GRM8: variants seen among roughly 807,000 people sequenced by gnomAD.
GRM8 encodes glutamate metabotropic receptor 8.
A neutral mutation model predicts 87.2 loss-of-function variants in GRM8; 47 were observed. That is an observed-to-expected ratio of 0.54 (90% CI 0.43 to 0.69). The LOEUF (loss-of-function observed/expected upper bound fraction) is 0.69, where lower values mean the gene tolerates loss of function less well. Ranked by LOEUF, GRM8 falls within the 30% of genes least tolerant of loss-of-function variation. GRM8 has a pLI of 0.00. For synonymous variants in GRM8, 396 were observed against 404.5 expected (o/e 0.98, Z 0.25); for missense variants, 1,019 against 1,139.2 (o/e 0.89, Z 1.52).
At chr7:127,167,303 C>A (rs1422189650) in intron 2 of GRM8, among the ~76,000 whole-genome samples, 1 of 152,148 alleles carries the variant, frequency 6.6e-6, no homozygotes, top group Non-Finnish European at 1.5e-5. Context: ...TGTTCCCTCC[C>A]CACCAAAATT....
At chr7:126,539,004 C>A (rs1419041070) in intron 8 of GRM8, among the ~76,000 whole-genome samples, 1 of 151,822 alleles carries the variant, frequency 6.6e-6, no homozygotes, top group Non-Finnish European at 1.5e-5. Context: ...ACAAAGAAAA[C>A]AATATTTATC....
At chr7:126,904,524 A>C in intron 4 of GRM8, 24 bp downstream of exon 4, 1 of 1,608,248 alleles carries the variant, frequency 6.2e-7, no homozygotes, top group Non-Finnish European at 8.5e-7. Flanking sequence ...CTGACCCTAC[A>C]TACAGAAGAA....
intron 7 of GRM8, among the ~76,000 whole-genome samples, chr7:126,734,624 A>G (rs1813988587): frequency 6.6e-6 from 1 of 151,984 alleles, no homozygotes; most frequent in South Asian, 2.1e-4. Context: ...TGTCTATTTC[A>G]TAACTTACAA....
At chr7:126,742,847 T>G (rs1312953581) in intron 7 of GRM8, among the ~76,000 whole-genome samples, 6 of 152,128 alleles carry the variant, frequency 3.9e-5, no homozygotes, top group Non-Finnish European at 8.8e-5. Flanking sequence ...GGTCACTAGT[T>G]AATTCTGATG....
chr7:127,048,973 C>G (rs190251548), intron 3 of GRM8, among the ~76,000 whole-genome samples: 4 of 152,184 alleles, frequency 2.6e-5, no homozygotes, highest in Non-Finnish European at 5.9e-5. Flanking sequence ...TTCAAATAAA[C>G]CTATAGACTT....
intron 8 of GRM8, among the ~76,000 whole-genome samples, chr7:126,565,328 C>T (rs555879151): frequency 6.6e-6 from 1 of 151,976 alleles, no homozygotes; most frequent in Admixed American, 6.6e-5. Flanking sequence ...AAACAAAACA[C>T]TGTTAGAACA....
intron 9 of GRM8, among the ~76,000 whole-genome samples, chr7:126,490,188 TTC>T (rs1807836306): frequency 6.6e-6 from 1 of 152,110 alleles, no homozygotes. Flanking sequence ...CTGTGGAGAA[TTC>T]TGGCTAATAC....
At chr7:126,714,788 T>C (rs1326661492) in intron 7 of GRM8, among the ~76,000 whole-genome samples, 2 of 152,140 alleles carry the variant, frequency 1.3e-5, no homozygotes, top group East Asian at 1.9e-4. Context: ...TGGTAACATA[T>C]ACAATCGATT....
At chr7:126,514,012 T>A (rs2150757237) in intron 9 of GRM8, among the ~76,000 whole-genome samples, 1 of 152,256 alleles carries the variant, frequency 6.6e-6, no homozygotes, top group East Asian at 1.9e-4. Context: ...GTCAGCCTCA[T>A]TTGTGCAATC....
rs924976648 is a variant in GRM8 at position 127,204,861 on chromosome 7, T to C, written c.510+37834A>G. 3.3e-5 allele frequency among the ~76,000 whole-genome samples: 5 copies of C among 152,322 alleles called. No individual in the cohort carries two copies. The East Asian group carries it at 5.8e-4, about 18-fold the overall frequency. ...GCATGGAGAAGAAACATGGCCTTCC[T>C]GGACAGCCTGAATCAGTAAGTCGTT... On this transcript the variant is annotated intron_variant, in intron 2 of 10. Transcript: ENST00000339582.
chr7:127,175,176 A>G (rs1028868635), intron 2 of GRM8, among the ~76,000 whole-genome samples: 12 of 152,190 alleles, frequency 7.9e-5, no homozygotes, highest in Middle Eastern at 3.2e-3. Flanking sequence ...CAAAACTATG[A>G]AAAGTCTTAG....
intron 8 of GRM8, among the ~76,000 whole-genome samples, chr7:126,578,383 G>A (rs985386946): frequency 2.3e-4 from 35 of 152,284 alleles, no homozygotes; most frequent in African/African-American, 7.5e-4. Flanking sequence ...GATAAAAGAT[G>A]GCAGAAAGGA....
intron 7 of GRM8, among the ~76,000 whole-genome samples, chr7:126,623,655 C>G (rs2151149492): frequency 6.6e-6 from 1 of 152,286 alleles, no homozygotes; most frequent in Non-Finnish European, 1.5e-5. Flanking sequence ...GACTGAACCC[C>G]CCTTCAATCA....
rs749853065 is a variant in GRM8 at position 126,622,002 on chromosome 7, G to A, written c.1358-12504C>T. Among the ~76,000 whole-genome samples the A allele has an allele frequency of 2.0e-5, 3 of 152,054 alleles. No individual in the cohort carries two copies. The East Asian group carries it at 5.8e-4, about 29-fold the overall frequency. Reference sequence around the variant, plus strand: ...TAGGGAATACCCTCTATTCTCTTGCGCTTCTCTCTGTCCAGTGAATTGCTC... The same window carrying A: ...TAGGGAATACCCTCTATTCTCTTGCACTTCTCTCTGTCCAGTGAATTGCTC... On this transcript the variant is annotated intron_variant, in intron 7 of 10. Coordinates refer to ENST00000339582, the MANE Select transcript of GRM8 (RefSeq NM_000845.3).
At chr7:126,517,484 T>C (rs1812352589) in intron 9 of GRM8, among the ~76,000 whole-genome samples, 1 of 152,062 alleles carries the variant, frequency 6.6e-6, no homozygotes. Context: ...CCACAATTTG[T>C]GTCAAGCATC....
At chr7:126,901,946 A>T (rs1294177449) in intron 6 of GRM8, among the ~76,000 whole-genome samples, 1 of 152,104 alleles carries the variant, frequency 6.6e-6, no homozygotes, top group Non-Finnish European at 1.5e-5. Flanking sequence ...CAAAAAAAAA[A>T]TTATGCGAGT....
chr7:126,827,996 TTA>T (rs1794988188), intron 6 of GRM8, among the ~76,000 whole-genome samples: 1 of 152,246 alleles, frequency 6.6e-6, no homozygotes, highest in Non-Finnish European at 1.5e-5. Context: ...TTGGTTCTGT[TTA>T]TATGCTGGAT....
At chr7:126,994,460 G>C (rs1196222019) in intron 3 of GRM8, among the ~76,000 whole-genome samples, 3 of 152,148 alleles carry the variant, frequency 2.0e-5, no homozygotes, top group African/African-American at 7.2e-5. Flanking sequence ...TCCAGGAATA[G>C]GCTATTGGAT....
At chr7:126,462,822 T>G (rs1270853113) in intron 9 of GRM8, among the ~76,000 whole-genome samples, 1 of 151,654 alleles carries the variant, frequency 6.6e-6, no homozygotes, top group Admixed American at 6.6e-5. Flanking sequence ...CTTTTTCCTT[T>G]TATTATTTTT....
Sources: gnomAD v4.1 joint callset for allele counts (sites outside exome capture counted in the v4.1 genomes callset) on GRCh38, gnomAD v4.1.1 for gene constraint, MANE v1.5 for transcripts, NCBI Gene and HGNC (gene_info 2026-07-23, HGNC 2026-07-21) for gene names.